Variants in ATXN1 observed in about 807,000 individuals in gnomAD.
The protein encoded by ATXN1 is ataxin-1.
In ATXN1, 8 loss-of-function variants were observed where a neutral mutation model predicts 56.4. The observed-to-expected ratio is 0.14, with a 90% confidence interval of 0.08 to 0.26. The LOEUF (loss-of-function observed/expected upper bound fraction) is 0.26. Among genes scored for constraint, ATXN1 ranks in the 10% least tolerant of loss-of-function variants. The probability of loss-of-function intolerance (pLI) is 1.00; values close to 1 mark genes in which losing one functional copy is unlikely to be tolerated. For missense variants in ATXN1, 987 were observed against 1,106.5 expected (o/e 0.89, Z 1.53); for synonymous variants, 514 against 494.6 (o/e 1.04, Z -0.52).
intron 6 of ATXN1, among the ~76,000 whole-genome samples, chr6:16,454,567 TC>T (rs1392819203): frequency 6.6e-6 from 1 of 152,164 alleles, no homozygotes; most frequent in Non-Finnish European, 1.5e-5. Flanking sequence ...TTCAGGAATA[TC>T]CCTAATTTGT....
At chr6:16,503,303 G>A (rs570578757) in intron 5 of ATXN1, among the ~76,000 whole-genome samples, 1 of 152,268 alleles carries the variant, frequency 6.6e-6, no homozygotes, top group South Asian at 2.1e-4. Flanking sequence ...CCTCCACCGA[G>A]CTGAGGAGTC....
chr6:16,366,939 G>C (rs1414343052), intron 6 of ATXN1, among the ~76,000 whole-genome samples: 1 of 152,124 alleles, frequency 6.6e-6, no homozygotes, highest in Non-Finnish European at 1.5e-5. Flanking sequence ...AATTACAAAT[G>C]TGCAATTTCC....
At chr6:16,732,254 A>G (rs1760006308) in intron 2 of ATXN1, among the ~76,000 whole-genome samples, 1 of 152,144 alleles carries the variant, frequency 6.6e-6, no homozygotes. Context: ...TTGGTGTTAC[A>G]GGCCAGAATC....
At chr6:16,702,557 A>C (rs563600962) in intron 2 of ATXN1, among the ~76,000 whole-genome samples, 2 of 152,354 alleles carry the variant, frequency 1.3e-5, no homozygotes, top group Admixed American at 6.5e-5. Flanking sequence ...CAACCTACAG[A>C]ATGGGAGAAA....
At chr6:16,647,818 G>A (rs914876097) in intron 3 of ATXN1, among the ~76,000 whole-genome samples, 1 of 152,242 alleles carries the variant, frequency 6.6e-6, no homozygotes, top group African/African-American at 2.4e-5. Flanking sequence ...GCTCACGCCT[G>A]TAATCCCAGC....
intron 2 of ATXN1, among the ~76,000 whole-genome samples, chr6:16,678,756 C>G (rs1200908005): frequency 1.3e-5 from 2 of 152,106 alleles, no homozygotes; most frequent in Admixed American, 1.3e-4. Context: ...AGTGAAGGGG[C>G]TGGGTGCGGT....
intron 4 of ATXN1, among the ~76,000 whole-genome samples, chr6:16,576,522 A>C (rs1762424694): frequency 6.6e-6 from 1 of 152,210 alleles, no homozygotes. Flanking sequence ...TTAATATGTA[A>C]CTCCTACTAT....
At chr6:16,590,717 T>G (rs1284766372) in intron 3 of ATXN1, among the ~76,000 whole-genome samples, 1 of 152,126 alleles carries the variant, frequency 6.6e-6, no homozygotes, top group Non-Finnish European at 1.5e-5. Flanking sequence ...TTTCCCAGGT[T>G]GGAGTGCAGT....
chr6:16,301,135 A>G lies in ATXN1; in HGVS notation c.*5194T>C, dbSNP rs899156329. ...TGAAACTCATTGTTTCAACAGAGCC[A>G]TATCTTTCAAACACTGAATGAATCA... On this transcript the variant is annotated 3_prime_UTR_variant, in exon 8 of 8. Transcript: ENST00000436367. 6.6e-6 allele frequency: 1 copy of G among 151,922 alleles called. No individual in the cohort carries two copies. The highest frequency in any genetic ancestry group is 6.6e-5 in the Admixed American group (1 of 15,226). The allele number at this position is 151,922 out of a possible 1,614,324, so 9.4% of individuals were successfully genotyped here.
chr6:16,616,770 C>T (rs1012736740), intron 3 of ATXN1, among the ~76,000 whole-genome samples: 4 of 149,878 alleles, frequency 2.7e-5, no homozygotes, highest in African/African-American at 9.8e-5. Flanking sequence ...TCCTAAAACG[C>T]AATGATAATC....
intron 6 of ATXN1, among the ~76,000 whole-genome samples, chr6:16,439,927 T>C (rs890520926): frequency 6.6e-6 from 1 of 151,218 alleles, no homozygotes; most frequent in African/African-American, 2.4e-5. Flanking sequence ...ATACAAAAAT[T>C]AGGTGGGTGT....
At chr6:16,589,016 T>G (rs1762676493) in intron 3 of ATXN1, among the ~76,000 whole-genome samples, 1 of 152,088 alleles carries the variant, frequency 6.6e-6, no homozygotes. Flanking sequence ...AGTCCCTCCC[T>G]GTAGCTCCCT....
chr6:16,663,378 T>G (rs1758363836), intron 2 of ATXN1, among the ~76,000 whole-genome samples: 1 of 152,140 alleles, frequency 6.6e-6, no homozygotes, highest in Admixed American at 6.5e-5. Context: ...ACCAAAAAAT[T>G]TTTTAAAAAG....
At chr6:16,389,245 G>T (rs1344549729) in intron 6 of ATXN1, among the ~76,000 whole-genome samples, 2 of 150,888 alleles carry the variant, frequency 1.3e-5, no homozygotes, top group East Asian at 3.9e-4. Flanking sequence ...GCTGAGGCAG[G>T]AGAATCGCTT....
chr6:16,398,565 CTCTA>C (rs1040382019), intron 6 of ATXN1, among the ~76,000 whole-genome samples: 2 of 152,216 alleles, frequency 1.3e-5, no homozygotes, highest in East Asian at 3.9e-4. Flanking sequence ...TGTGTGCACT[CTCTA>C]TATACACATA....
intron 2 of ATXN1, among the ~76,000 whole-genome samples, chr6:16,752,632 C>A (rs576564875): frequency 6.6e-6 from 1 of 152,288 alleles, no homozygotes; most frequent in Admixed American, 6.5e-5. Flanking sequence ...CTTTTTCCTT[C>A]CTGATTTAAT....
At chr6:16,715,508 C>A (rs1409701941) in intron 2 of ATXN1, among the ~76,000 whole-genome samples, 1 of 152,180 alleles carries the variant, frequency 6.6e-6, no homozygotes, top group African/African-American at 2.4e-5. Context: ...ATGTTTAACT[C>A]TTAATATCTG....
At chr6:16,340,008 CTT>C (rs1761209839) in intron 6 of ATXN1, among the ~76,000 whole-genome samples, 1 of 152,198 alleles carries the variant, frequency 6.6e-6, no homozygotes, top group East Asian at 1.9e-4. Context: ...GTCTCGATCT[CTT>C]GACTTCGCGG....
At chr6:16,713,886 A>T (rs1759578534) in intron 2 of ATXN1, among the ~76,000 whole-genome samples, 2 of 152,216 alleles carry the variant, frequency 1.3e-5, no homozygotes, top group African/African-American at 4.8e-5. Context: ...GGCCGCGCGT[A>T]GTAACTCATG....
Sources: gnomAD v4.1 joint callset for allele counts (sites outside exome capture counted in the v4.1 genomes callset) on GRCh38, gnomAD v4.1.1 for gene constraint, MANE v1.5 for transcripts, NCBI Gene and HGNC (gene_info 2026-07-23, HGNC 2026-07-21) for gene names.